The following EFCAB6 variants were observed in gnomAD, a reference collection of about 807,000 sequenced individuals.
The protein encoded by EFCAB6 is EF-hand calcium-binding domain-containing protein 6.
A neutral mutation model predicts 169.8 loss-of-function variants in EFCAB6; 156 were observed. That is an observed-to-expected ratio of 0.92 (90% CI 0.81 to 1.05). EFCAB6 has a LOEUF of 1.05. Ranked by LOEUF, EFCAB6 falls within the 50% of genes least tolerant of loss-of-function variation. EFCAB6 has a pLI of 0.00. For synonymous variants in EFCAB6, 698 were observed against 676.4 expected (o/e 1.03, Z -0.50); for missense variants, 1,800 against 1,829.1 (o/e 0.98, Z 0.29).
chr22:43,707,475 A>G (rs1354174173), intron 10 of EFCAB6, among the ~76,000 whole-genome samples: 1 of 152,198 alleles, frequency 6.6e-6, no homozygotes, highest in Non-Finnish European at 1.5e-5. Context: ...ACCAAGATAC[A>G]TGGTAGGGAA....
chr22:43,682,134 T>C (rs1040637400), intron 12 of EFCAB6, among the ~76,000 whole-genome samples: 1 of 151,962 alleles, frequency 6.6e-6, no homozygotes, highest in Non-Finnish European at 1.5e-5. Flanking sequence ...CCCTCCGTAG[T>C]GGGGTGCATG....
intron 17 of EFCAB6, among the ~76,000 whole-genome samples, chr22:43,660,742 G>C (rs1029601159): frequency 6.6e-6 from 1 of 152,074 alleles, no homozygotes. Flanking sequence ...CTTTGTGCCC[G>C]AAACATCTGG....
At chr22:43,620,132 A>G (rs1343966460) in intron 20 of EFCAB6, among the ~76,000 whole-genome samples, 1 of 152,140 alleles carries the variant, frequency 6.6e-6, no homozygotes, top group East Asian at 1.9e-4. Flanking sequence ...AGCATGGGCA[A>G]CATGGCAAGA....
In EFCAB6 at chr22:43,626,482, T is replaced by C; in HGVS notation, c.2430A>G (p.Pro810=). Residue 810 remains proline (P), a synonymous_variant, in exon 20 of 32, where the codon CCA becomes CCG. Transcript: ENST00000262726. ...REFQNLCEKR[P]WRTDEAPQRL... ...TTTGAGGCGCTTCATCTGTTCTCCA[T>C]GGTCTCTTCTCACACAAATTTTGAA... 2 of 1,614,216 alleles carry C rather than the reference T, an allele frequency of 1.2e-6. No individual in the cohort carries two copies. The highest frequency in any genetic ancestry group is 1.7e-6 in the Non-Finnish European group (2 of 1,180,042).
rs778101008 is a variant in EFCAB6, at chr22:43,530,840, A to G, written c.4358T>C (p.Leu1453Pro). ...FKSYDEAGTG[L>P]LSVADFRTVL... Reference sequence around the variant, plus strand: ...CGTCCTGAAATCTGCGACGCTTAGCAGCCCTGTTCCAGCCTCATCATAGCT... The same window carrying G: ...CGTCCTGAAATCTGCGACGCTTAGCGGCCCTGTTCCAGCCTCATCATAGCT... The change falls in exon 31 of 32, where the codon CTG (leucine) becomes CCG (proline). Residue 1453 changes from leucine to proline, a missense_variant. Leu to Pro is a moderately conservative substitution (Grantham distance 98). Coordinates refer to ENST00000262726, the MANE Select transcript of EFCAB6 (RefSeq NM_022785.4). 2 of 1,613,920 alleles carry G rather than the reference A, an allele frequency of 1.2e-6. No individual in the cohort carries two copies. Among genetic ancestry groups the G allele is most frequent in the Non-Finnish European group, 1.7e-6 (2 of 1,180,058 alleles).
At position 43,795,057 on chromosome 22, in the gene EFCAB6, C is replaced by A. The variant is rs755479794; in HGVS notation, c.-7-12732G>T. Among the ~76,000 whole-genome samples, 4 of 152,254 alleles carry A rather than the reference C, an allele frequency of 2.6e-5. No individual in the cohort carries two copies. The highest frequency in any genetic ancestry group is 2.1e-4 in the South Asian group (1 of 4,830). On this transcript the variant is annotated intron_variant, in intron 2 of 31. Coordinates refer to ENST00000262726, the MANE Select transcript of EFCAB6 (RefSeq NM_022785.4). This position sits in a 1 kb window ranked among gnomAD's most constrained non-coding sequence, Gnocchi z 4.2. ...GCCCTGTACAGCCCCTTGCCCTGCC[C>A]GAACCTCATCGTCACAGACAGTCTA...
In EFCAB6 at chr22:43,753,670, G is replaced by A. The variant is rs529049529; in HGVS notation, c.507+2096C>T. 1.4e-4 allele frequency among the ~76,000 whole-genome samples: 21 copies of A among 152,268 alleles called. No homozygotes were observed. The South Asian group carries it at 3.9e-3, about 29-fold the overall frequency. On this transcript the variant is annotated intron_variant, in intron 6 of 31. Coordinates refer to ENST00000262726, the MANE Select transcript of EFCAB6 (RefSeq NM_022785.4). ...CTGAGGGCCTGTGAAGAAGAGAGAG[G>A]CTGACAAATCAGCCATCAGACCAAG...
At chr22:43,600,384 G>A (rs1258205392) in intron 22 of EFCAB6, 121 bp from the exon 23 acceptor site, 44 of 1,033,890 alleles carry the variant, frequency 4.3e-5, no homozygotes, top group Admixed American at 6.8e-5. Context: ...CTCACCACTC[G>A]GAGCATGCCC....
chr22:43,589,538 A>G (rs1196140780), intron 24 of EFCAB6, among the ~76,000 whole-genome samples: 2 of 152,184 alleles, frequency 1.3e-5, no homozygotes, highest in Non-Finnish European at 2.9e-5. Flanking sequence ...CTATAATCCC[A>G]GCACTTTGGG....
rs188900405 is a variant in EFCAB6, at chr22:43,764,611, A to G, written c.440+694T>C. Among the ~76,000 whole-genome samples the G allele has an allele frequency of 4.3e-4, 65 of 152,278 alleles. 1 individual carries two copies. In the Middle Eastern group the frequency reaches 0.02, roughly 48 times the overall value. On this transcript the variant is annotated intron_variant, in intron 5 of 31. Transcript: ENST00000262726. Reference sequence around the variant, plus strand: ...TTCCAAGTTCTTTGAGAAATCTCCAACTGCTTCTCATAGTGGCTGAACTAC... The same window carrying G: ...TTCCAAGTTCTTTGAGAAATCTCCAGCTGCTTCTCATAGTGGCTGAACTAC...
chr22:43,802,552 C>T, intron 2 of EFCAB6: 1 of 346,604 alleles, frequency 2.9e-6, no homozygotes, highest in Non-Finnish European at 5.5e-6. Context: ...AAGATAAAAC[C>T]AAGATGAAGG....
intron 26 of EFCAB6, among the ~76,000 whole-genome samples, chr22:43,570,496 A>C (rs1346940088): frequency 2.0e-5 from 3 of 152,186 alleles, no homozygotes; most frequent in Admixed American, 6.5e-5. Flanking sequence ...TTTGAATGTA[A>C]AATGTTTTTC....
intron 17 of EFCAB6, among the ~76,000 whole-genome samples, chr22:43,655,495 AAC>A (rs1341932662): frequency 6.7e-6 from 1 of 150,026 alleles, no homozygotes; most frequent in Non-Finnish European, 1.5e-5. Context: ...AAAATGAAAT[AAC>A]ACAACAGAGC....
intron 10 of EFCAB6, among the ~76,000 whole-genome samples, chr22:43,700,361 C>G (rs954323683): frequency 1.7e-4 from 26 of 152,148 alleles, no homozygotes; most frequent in African/African-American, 6.3e-4. Context: ...AGAATAGGCA[C>G]TCTCAAATCA....
intron 21 of EFCAB6, among the ~76,000 whole-genome samples, chr22:43,614,564 T>G (rs1459208917): frequency 1.3e-5 from 2 of 152,128 alleles, no homozygotes; most frequent in African/African-American, 4.8e-5. Context: ...TGACCTTGAG[T>G]TTGGCAGTGA....
At chr22:43,635,237 G>A (rs1019822645) in intron 17 of EFCAB6, 21 bp from the exon 18 acceptor site, 14 of 1,586,878 alleles carry the variant, frequency 8.8e-6, no homozygotes, top group Admixed American at 3.3e-5. Flanking sequence ...AGACAGGGGA[G>A]GGTGGAGAGG....
chr22:43,534,760 G>C lies in EFCAB6; in HGVS notation c.4161C>G (p.Ser1387Arg). 1 of 1,614,014 alleles carries C rather than the reference G, an allele frequency of 6.2e-7. No homozygotes were observed. The highest frequency in any genetic ancestry group is 8.5e-7 in the Non-Finnish European group (1 of 1,179,978). ...GKFAYCDFIQ[S>R]CVLLLKAKES... ...CCTTTGCTTTTAGCAGGAGGACACA[G>C]CTCTGAATGAAGTCACAGTATGCAA... Residue 1387 changes from serine (S) to arginine (R), a missense_variant, in exon 30 of 32, where the codon AGC becomes AGG. Physicochemically the swap from Ser to Arg is moderately radical, Grantham distance 110. Transcript: ENST00000262726.
At chr22:43,578,625 C>A (rs2050416609) in intron 25 of EFCAB6, among the ~76,000 whole-genome samples, 1 of 152,086 alleles carries the variant, frequency 6.6e-6, no homozygotes, top group African/African-American at 2.4e-5. Flanking sequence ...ACTCCACACA[C>A]ACAAGCATCA....
At chr22:43,746,055 C>CA (rs2060550305) in intron 6 of EFCAB6, among the ~76,000 whole-genome samples, 1 of 152,170 alleles carries the variant, frequency 6.6e-6, no homozygotes, top group African/African-American at 2.4e-5. Flanking sequence ...AGAGATGCGC[C>CA]AAACCAGATA....
Sources: allele counts gnomAD v4.1 joint callset (sites outside exome capture counted in the v4.1 genomes callset), GRCh38; gene constraint gnomAD v4.1.1; non-coding constraint Gnocchi (gnomAD v3.1); transcripts MANE v1.5; gene names NCBI Gene and HGNC (gene_info 2026-07-23, HGNC 2026-07-21).